HS3ST4: variants seen among roughly 807,000 people sequenced by gnomAD.
HS3ST4 encodes the protein heparan sulfate-glucosamine 3-sulfotransferase 4, also known as heparan sulfate glucosamine 3-O-sulfotransferase 4.
Under a neutral mutation model 29.2 loss-of-function variants are expected in HS3ST4, and 17 were observed. That is an observed-to-expected ratio of 0.58 (90% CI 0.40 to 0.87). The LOEUF (loss-of-function observed/expected upper bound fraction) is 0.87. Among genes scored for constraint, HS3ST4 ranks in the 40% least tolerant of loss-of-function variants. HS3ST4 has a pLI of 0.00. For synonymous variants in HS3ST4, 314 were observed against 285.7 expected, an observed-to-expected ratio of 1.10 and a Z score of -1.00; for missense variants, 627 against 634.5, an observed-to-expected ratio of 0.99 and a Z score of 0.13.
chr16:26,032,067 C>T (rs1740598896), intron 1 of HS3ST4, among the ~76,000 whole-genome samples: 1 of 152,150 alleles, frequency 6.6e-6, no homozygotes, highest in African/African-American at 2.4e-5. Context: ...CAGGTGCCAT[C>T]TCAGTGGCAT....
chr16:26,024,418 G>A (rs773231539), intron 1 of HS3ST4, among the ~76,000 whole-genome samples: 7 of 151,926 alleles, frequency 4.6e-5, no homozygotes, highest in Non-Finnish European at 1.0e-4. Context: ...GCACCCTCTG[G>A]CCACTTCATT....
intron 1 of HS3ST4, among the ~76,000 whole-genome samples, chr16:26,077,484 G>C (rs781294565): frequency 1.3e-5 from 2 of 152,152 alleles, no homozygotes; most frequent in Non-Finnish European, 2.9e-5. Context: ...ATGCTTTCTT[G>C]TAGGAGCAAA....
chr16:26,090,344 A>G (rs540765125), intron 1 of HS3ST4, among the ~76,000 whole-genome samples: 8 of 150,372 alleles, frequency 5.3e-5, no homozygotes, highest in African/African-American at 1.9e-4. Context: ...TCTGTCTGCC[A>G]GAAGTCACTA....
chr16:26,018,466 CA>C (rs1240934744), intron 1 of HS3ST4, among the ~76,000 whole-genome samples: 6 of 152,104 alleles, frequency 3.9e-5, no homozygotes, highest in Non-Finnish European at 8.8e-5. Flanking sequence ...TACTGTGTAC[CA>C]GGCATTGTCC....
chr16:26,055,126 A>T (rs530871098), intron 1 of HS3ST4, among the ~76,000 whole-genome samples: 1 of 151,222 alleles, frequency 6.6e-6, no homozygotes, highest in African/African-American at 2.4e-5. Context: ...ATCCTCCAAG[A>T]TTGCTCTTTA....
At chr16:25,992,921 C>T (rs1969126715) in intron 1 of HS3ST4, among the ~76,000 whole-genome samples, 2 of 152,210 alleles carry the variant, frequency 1.3e-5, no homozygotes, top group African/African-American at 4.8e-5. Context: ...GCCACCAGGA[C>T]ATGATTGTTC....
intron 1 of HS3ST4, among the ~76,000 whole-genome samples, chr16:26,055,436 T>C (rs1466359238): frequency 1.3e-5 from 2 of 152,086 alleles, no homozygotes; most frequent in South Asian, 2.1e-4. Flanking sequence ...TCTGACACTC[T>C]TTTTGGGTCA....
chr16:25,732,841 G>C (rs904569036), intron 1 of HS3ST4, among the ~76,000 whole-genome samples: 1 of 152,122 alleles, frequency 6.6e-6, no homozygotes, highest in Non-Finnish European at 1.5e-5. Context: ...TCGCCCAATC[G>C]GTCGCAATAG....
chr16:25,765,788 G>T (rs1406897417), intron 1 of HS3ST4, among the ~76,000 whole-genome samples: 2 of 152,092 alleles, frequency 1.3e-5, no homozygotes, highest in Admixed American at 6.5e-5. Context: ...TTTTCTTTGA[G>T]TCAGGTGCCC....
chr16:26,018,832 G>GAA (rs10624019), intron 1 of HS3ST4, among the ~76,000 whole-genome samples: 5,892 of 136,594 alleles, frequency 0.043, 364 homozygotes, highest in African/African-American at 0.14. Context: ...CCTCCTCATG[G>GAA]AAAAAAAAAA....
At chr16:25,745,639 G>A (rs185786280) in intron 1 of HS3ST4, among the ~76,000 whole-genome samples, 46 of 152,128 alleles carry the variant, frequency 3.0e-4, no homozygotes, top group Non-Finnish European at 6.3e-4. Context: ...TAAAACATTT[G>A]TATCACCCAG....
intron 1 of HS3ST4, among the ~76,000 whole-genome samples, chr16:25,974,633 G>T (rs951701863): frequency 6.6e-6 from 1 of 152,148 alleles, no homozygotes; most frequent in African/African-American, 2.4e-5. Flanking sequence ...GCATAGCATG[G>T]AATGTATCCT....
chr16:25,969,799 C>T (rs779533714), intron 1 of HS3ST4, among the ~76,000 whole-genome samples: 1 of 152,186 alleles, frequency 6.6e-6, no homozygotes, highest in Non-Finnish European at 1.5e-5. Flanking sequence ...TGAGTTTGTC[C>T]TCTTCTGATA....
intron 1 of HS3ST4, among the ~76,000 whole-genome samples, chr16:25,845,849 C>T (rs935022171): frequency 1.3e-5 from 2 of 151,970 alleles, no homozygotes; most frequent in Non-Finnish European, 2.9e-5. Flanking sequence ...ATTTAATGCA[C>T]ATTTATTTGT....
intron 1 of HS3ST4, among the ~76,000 whole-genome samples, chr16:26,061,452 C>A (rs181963788): frequency 3.6e-4 from 55 of 152,310 alleles, no homozygotes; most frequent in Non-Finnish European, 7.2e-4. Context: ...CTCTCTTTGA[C>A]CTCCACCACC....
At chr16:25,872,505 A>G (rs1028004879) in intron 1 of HS3ST4, among the ~76,000 whole-genome samples, 12 of 152,220 alleles carry the variant, frequency 7.9e-5, no homozygotes, top group African/African-American at 2.9e-4. Context: ...GGATGGTCCC[A>G]TTCATGTTTG....
intron 1 of HS3ST4, among the ~76,000 whole-genome samples, chr16:26,014,975 C>T (rs892381733): frequency 6.6e-6 from 1 of 152,132 alleles, no homozygotes; most frequent in African/African-American, 2.4e-5. Context: ...GAATACAGAC[C>T]TTTTGCATAA....
intron 1 of HS3ST4, among the ~76,000 whole-genome samples, chr16:25,723,691 T>A (rs1966511846): frequency 6.6e-6 from 1 of 152,252 alleles, no homozygotes; most frequent in African/African-American, 2.4e-5. Context: ...GATGCTTTTC[T>A]TCTTCAGCCT....
chr16:25,849,987 A>G (rs1486173998), intron 1 of HS3ST4, among the ~76,000 whole-genome samples: 1 of 146,610 alleles, frequency 6.8e-6, no homozygotes, highest in Non-Finnish European at 1.5e-5. Flanking sequence ...ATGAAAATAT[A>G]GATGCCTAGA....
Sources: gnomAD v4.1 joint callset for allele counts (sites outside exome capture counted in the v4.1 genomes callset) on GRCh38, gnomAD v4.1.1 for gene constraint, MANE v1.5 for transcripts, NCBI Gene and HGNC (gene_info 2026-07-23, HGNC 2026-07-21) for gene names.